The following BCKDHB variants were observed in gnomAD, a reference collection of about 807,000 sequenced individuals.
BCKDHB encodes 2-oxoisovalerate dehydrogenase subunit beta, mitochondrial.
A neutral mutation model predicts 48.5 loss-of-function variants in BCKDHB; 41 were observed. The observed-to-expected ratio is 0.85, with a 90% confidence interval of 0.66 to 1.10. BCKDHB has a LOEUF of 1.10. BCKDHB is among the 50% of genes least tolerant of loss of function. The pLI is 0.00. For missense variants in BCKDHB, 496 were observed against 494.2 expected (o/e 1.00, Z -0.03); for synonymous variants, 201 against 174.8 (o/e 1.15, Z -1.18).
intron 8 of BCKDHB, among the ~76,000 whole-genome samples, chr6:80,257,417 ATATT>A (rs1418235451): frequency 8.5e-6 from 1 of 117,344 alleles, no homozygotes; most frequent in Non-Finnish European, 1.7e-5. Flanking sequence ...TAATTCATAT[ATATT>A]CCTTAAAGAT....
the BCKDHB span, among the ~76,000 whole-genome samples, chr6:80,355,198 G>T: frequency 6.6e-6 from 1 of 151,812 alleles, no homozygotes; most frequent in African/African-American, 2.4e-5. Context: ...TCGGGAGTTC[G>T]AGACTAGCCT....
chr6:80,272,311 A>AT (rs1777780146), intron 8 of BCKDHB, among the ~76,000 whole-genome samples: 1 of 152,240 alleles, frequency 6.6e-6, no homozygotes, highest in East Asian at 1.9e-4. Context: ...ATAGTAACAG[A>AT]TTTTATTAAA....
intron 9 of BCKDHB, among the ~76,000 whole-genome samples, chr6:80,327,233 G>T (rs1769076313): frequency 6.6e-6 from 1 of 152,146 alleles, no homozygotes. Flanking sequence ...TATGCTTTAA[G>T]TGTGGTCATT....
At chr6:80,177,410 G>A (rs1773217092) in intron 6 of BCKDHB, among the ~76,000 whole-genome samples, 1 of 151,844 alleles carries the variant, frequency 6.6e-6, no homozygotes, top group South Asian at 2.1e-4. Flanking sequence ...CAGATAACGG[G>A]GGAATTGATA....
At chr6:80,265,019 G>A (rs999145025) in intron 8 of BCKDHB, among the ~76,000 whole-genome samples, 3 of 151,980 alleles carry the variant, frequency 2.0e-5, no homozygotes, top group African/African-American at 2.4e-5. Flanking sequence ...ATACCACCTC[G>A]TTCCCATTGG....
chr6:80,271,032 C>G (rs553595309), intron 8 of BCKDHB, among the ~76,000 whole-genome samples: 60 of 152,180 alleles, frequency 3.9e-4, no homozygotes, highest in African/African-American at 1.4e-3. Context: ...AAGTAAAAGT[C>G]TCTTTCCTAC....
the BCKDHB span, among the ~76,000 whole-genome samples, chr6:80,466,277 C>G: frequency 6.6e-6 from 1 of 152,088 alleles, no homozygotes; most frequent in Non-Finnish European, 1.5e-5. Context: ...GTTACACTTT[C>G]TATTTCTCTT....
At position 80,189,587 on chromosome 6, in the gene BCKDHB, G is replaced by C. The variant is rs145238128; in HGVS notation, c.743-11347G>C. On this transcript the variant is annotated intron_variant, in intron 6 of 9. Coordinates refer to ENST00000320393, the MANE Select transcript of BCKDHB (RefSeq NM_183050.4). The stretch of plus-strand genomic sequence containing the variant: ...AAAAGGCATATAATAAGCCCTTTAG[G>C]AGTTTTCATCTACACTATATATATA... 4.0e-4 allele frequency among the ~76,000 whole-genome samples: 60 copies of C among 151,874 alleles called. No individual in the cohort carries two copies. In the East Asian group the frequency reaches 0.011, roughly 28 times the overall value.
chr6:80,253,826 A>C (rs1377358925), intron 8 of BCKDHB, among the ~76,000 whole-genome samples: 1 of 152,040 alleles, frequency 6.6e-6, no homozygotes, highest in Admixed American at 6.6e-5. Context: ...TTTTAATCCT[A>C]TAGGAGAGGA....
At chr6:80,392,410 G>C in the BCKDHB span, among the ~76,000 whole-genome samples, 1 of 151,726 alleles carries the variant, frequency 6.6e-6, no homozygotes, top group Non-Finnish European at 1.5e-5. Flanking sequence ...ACCGCATGTA[G>C]ATATGGTCCT....
intron 9 of BCKDHB, among the ~76,000 whole-genome samples, chr6:80,338,177 A>C (rs189177853): frequency 1.3e-5 from 2 of 152,364 alleles, no homozygotes; most frequent in Non-Finnish European, 1.5e-5. Context: ...ATTGTCTTGC[A>C]TTAAAAAACA....
chr6:80,386,272 G>T, the BCKDHB span, among the ~76,000 whole-genome samples: 5 of 151,198 alleles, frequency 3.3e-5, no homozygotes, highest in Admixed American at 6.6e-5. Context: ...GCCTATATTT[G>T]TTGCAGCACT....
At chr6:80,423,963 C>T in the BCKDHB span, among the ~76,000 whole-genome samples, 1 of 152,110 alleles carries the variant, frequency 6.6e-6, no homozygotes, top group African/African-American at 2.4e-5. Flanking sequence ...GAGATACTTG[C>T]AGTGTCCCAG....
chr6:80,196,024 C>G (rs1231563983), intron 6 of BCKDHB, among the ~76,000 whole-genome samples: 1 of 152,168 alleles, frequency 6.6e-6, no homozygotes, highest in Non-Finnish European at 1.5e-5. Flanking sequence ...ACTAGCATTA[C>G]TGCAGATTAG....
intron 3 of BCKDHB, among the ~76,000 whole-genome samples, chr6:80,151,669 A>C (rs1771786188): frequency 6.6e-6 from 1 of 152,116 alleles, no homozygotes; most frequent in African/African-American, 2.4e-5. Context: ...GAATTCATTT[A>C]ATGTCAACCT....
intron 8 of BCKDHB, among the ~76,000 whole-genome samples, chr6:80,255,549 T>C (rs150399594): frequency 1.3e-5 from 2 of 152,288 alleles, no homozygotes; most frequent in East Asian, 3.9e-4. Flanking sequence ...AGCTGATTAC[T>C]AAGGAACCTG....
the BCKDHB span, among the ~76,000 whole-genome samples, chr6:80,397,655 G>A: frequency 0.063 from 9,640 of 152,268 alleles, 450 homozygotes; most frequent in South Asian, 0.19. Flanking sequence ...GGCCAAGACA[G>A]GCAGATCACT....
chr6:80,256,782 TG>T (rs1218606757), intron 8 of BCKDHB, among the ~76,000 whole-genome samples: 1 of 152,200 alleles, frequency 6.6e-6, no homozygotes. Flanking sequence ...TTGGCTTAGC[TG>T]TTTAGTCAGG....
At chr6:80,170,005 T>C in intron 5 of BCKDHB, 3 of 1,139,684 alleles carry the variant, frequency 2.6e-6, no homozygotes, top group Non-Finnish European at 3.4e-6. Context: ...TCCCCTGCCT[T>C]CTCTTTTCCT....
Sources: allele counts gnomAD v4.1 joint callset (sites outside exome capture counted in the v4.1 genomes callset), GRCh38; gene constraint gnomAD v4.1.1; transcripts MANE v1.5; gene names NCBI Gene and HGNC (gene_info 2026-07-23, HGNC 2026-07-21).